Variants in COL22A1 observed in about 807,000 individuals in gnomAD.
The protein encoded by COL22A1 is collagen alpha-1(XXII) chain.
A neutral mutation model predicts 248.9 loss-of-function variants in COL22A1; 221 were observed. The observed-to-expected ratio is 0.89, with a 90% CI of 0.80 to 0.99. The LOEUF (loss-of-function observed/expected upper bound fraction) is 0.99. COL22A1 is among the 50% of genes least tolerant of loss of function. The pLI is 0.00. For missense variants in COL22A1, 2,240 were observed against 2,179.0 expected, an observed-to-expected ratio of 1.03 and a Z score of -0.56; for synonymous variants, 891 against 793.4, an observed-to-expected ratio of 1.12 and a Z score of -2.07.
chr8:138,821,390 C>T lies in COL22A1; in HGVS notation c.991G>A (p.Glu331Lys). ...IPQVSIRLDG[E>K]NKAVEYNAVG... ...GCGTTGTACTCGACTGCCTTGTTTT[C>T]ACCATCCAGCCGGATGGAGACCTGG... The change falls in exon 7 of 65, where the codon GAA becomes AAA. Residue 331 changes from glutamate to lysine, a missense_variant. By Grantham distance (56) the Glu-to-Lys change is moderately conservative. Coordinates refer to ENST00000303045, the MANE Select transcript of COL22A1 (RefSeq NM_152888.3). 6.2e-7 allele frequency: 1 copy of T among 1,613,418 alleles called. No individual in the cohort carries two copies. The highest frequency in any genetic ancestry group is 8.5e-7 in the Non-Finnish European group (1 of 1,179,402).
intron 47 of COL22A1, among the ~76,000 whole-genome samples, chr8:138,645,319 T>C (rs749226145): frequency 3.3e-5 from 5 of 152,180 alleles, no homozygotes; most frequent in Admixed American, 1.3e-4. Flanking sequence ...AAGTCTCCCA[T>C]AAAGGGAGTC....
intron 3 of COL22A1, among the ~76,000 whole-genome samples, chr8:138,846,946 T>C (rs1821288413): frequency 6.6e-6 from 1 of 152,202 alleles, no homozygotes; most frequent in African/African-American, 2.4e-5. Context: ...GGATCAGTGC[T>C]ACTGGGAGTC....
intron 53 of COL22A1, among the ~76,000 whole-genome samples, chr8:138,619,006 T>C (rs186357639): frequency 6.7e-4 from 102 of 152,314 alleles, no homozygotes; most frequent in African/African-American, 2.4e-3. Context: ...GAATTAGAAG[T>C]AAATTAATTT....
In COL22A1 at chr8:138,616,023, TG is replaced by T; in HGVS notation, c.3901del (p.Gln1301ArgfsTer127). ...GESGAMGLPG[Q>X]EGLPGKDGDT... is the part of the protein sequence containing the mutation. ...TACATCTTTTCCTGGTAACCCTTCCTGACCAGGAAGCCCCATGGCACCAGAC... is the reference window on the plus strand; with the variant it reads ...TACATCTTTTCCTGGTAACCCTTCCTACCAGGAAGCCCCATGGCACCAGAC... On this transcript the variant is annotated frameshift_variant, in exon 55 of 65. Coordinates refer to ENST00000303045, the MANE Select transcript of COL22A1 (RefSeq NM_152888.3). LOFTEE classifies it high-confidence loss of function. The T allele has an allele frequency of 6.2e-7, 1 of 1,613,628 alleles. No homozygotes were observed. Among genetic ancestry groups the T allele is most frequent in the Non-Finnish European group, 8.5e-7 (1 of 1,179,732 alleles).
At chr8:138,902,739 TACACACAC>T (rs35023865) in intron 1 of COL22A1, among the ~76,000 whole-genome samples, 947 of 93,860 alleles carry the variant, frequency 0.01, 17 homozygotes, top group African/African-American at 0.04. Context: ...TATATATATA[TACACACAC>T]ACACACACAC....
intron 58 of COL22A1, 41 bp from the exon 59 acceptor site, chr8:138,604,810 G>A: frequency 6.6e-7 from 1 of 1,519,528 alleles, no homozygotes; most frequent in Non-Finnish European, 9.1e-7. Flanking sequence ...TGCAGCATCA[G>A]CCCAATGTCA....
intron 62 of COL22A1, among the ~76,000 whole-genome samples, chr8:138,596,682 T>C (rs1587628960): frequency 6.6e-6 from 1 of 152,176 alleles, no homozygotes; most frequent in East Asian, 1.9e-4. Flanking sequence ...TCTCCTTCAC[T>C]AGAGGTAACC....
At chr8:138,672,214 TA>T (rs1454624172) in intron 41 of COL22A1, among the ~76,000 whole-genome samples, 2 of 152,138 alleles carry the variant, frequency 1.3e-5, no homozygotes, top group East Asian at 1.9e-4. Flanking sequence ...TCCTCACTTG[TA>T]AAATGAAAAG....
intron 22 of COL22A1, among the ~76,000 whole-genome samples, chr8:138,742,925 A>G (rs1177751765): frequency 6.7e-6 from 1 of 150,322 alleles, no homozygotes. Flanking sequence ...TGTGATGGTA[A>G]TGGTGGAGTT....
intron 62 of COL22A1, among the ~76,000 whole-genome samples, chr8:138,596,654 T>G (rs909179634): frequency 6.6e-6 from 1 of 152,224 alleles, no homozygotes; most frequent in African/African-American, 2.4e-5. Context: ...AGCAGAGCTC[T>G]TTTTGTAGAT....
chr8:138,625,143 A>T (rs1820131465), intron 51 of COL22A1, among the ~76,000 whole-genome samples: 1 of 152,122 alleles, frequency 6.6e-6, no homozygotes, highest in South Asian at 2.1e-4. Flanking sequence ...TGAGATAAGC[A>T]CTCCGAAGAA....
chr8:138,724,216 G>T lies in COL22A1; in HGVS notation c.2247+399C>A, dbSNP rs977650220. On this transcript the variant is annotated intron_variant, in intron 25 of 64. Transcript: ENST00000303045. ...TCTCAGTTTGCAAGGGAGAAAACAT[G>T]ATCAGGATCGTAATGGGAAGGGCTG... Among the ~76,000 whole-genome samples, 5 of 152,206 alleles carry T rather than the reference G, an allele frequency of 3.3e-5. No homozygotes were observed. The East Asian group carries it at 9.6e-4, about 29-fold the overall frequency.
In COL22A1 at chr8:138,737,446, C is replaced by T. The variant is rs142644286; in HGVS notation, c.2139+78G>A. 2,453 of 1,076,454 alleles carry T rather than the reference C, an allele frequency of 2.3e-3. 5 individuals are homozygous for T. Among genetic ancestry groups the T allele is most frequent in the Admixed American group, 2.9e-3 (165 of 57,454 alleles). 66.7% of individuals were successfully genotyped at this position (1,076,454 alleles called of 1,614,324 possible). A position where few individuals can be genotyped will look rare whatever the true frequency, so the allele number is the denominator to read the frequency against. Reference sequence around the variant, plus strand: ...GACCAGCAGGATTCTGGCTGCCCACCTGAGAGCTGCTGCCTGGTCATTTAT... The same window carrying T: ...GACCAGCAGGATTCTGGCTGCCCACTTGAGAGCTGCTGCCTGGTCATTTAT... On this transcript the variant is annotated intron_variant, in intron 23 of 64. Transcript: ENST00000303045.
At position 138,693,639 on chromosome 8, in the gene COL22A1, G is replaced by T. The variant is rs752788740; in HGVS notation, c.2754+7C>A. The T allele has an allele frequency of 1.3e-6, 2 of 1,579,578 alleles. No homozygotes were observed. Among genetic ancestry groups the T allele is most frequent in the Non-Finnish European group, 1.7e-6 (2 of 1,162,714 alleles). Reference sequence around the variant, plus strand: ...CCCCACGAGGCAGGCCGATCATAGGGACTCACGGGGTTTCCAGCTGCTCCA... The same window carrying T: ...CCCCACGAGGCAGGCCGATCATAGGTACTCACGGGGTTTCCAGCTGCTCCA... On this transcript the variant is annotated splice_region_variant and intron_variant, in intron 35 of 64. Transcript: ENST00000303045.
intron 30 of COL22A1, among the ~76,000 whole-genome samples, chr8:138,705,779 C>G (rs1255292313): frequency 1.3e-5 from 2 of 152,046 alleles, no homozygotes; most frequent in Non-Finnish European, 2.9e-5. Flanking sequence ...TCACACATAA[C>G]AATATTAACC....
intron 1 of COL22A1, among the ~76,000 whole-genome samples, chr8:138,899,748 C>T (rs1174837789): frequency 2.6e-5 from 4 of 152,020 alleles, no homozygotes; most frequent in South Asian, 2.1e-4. Flanking sequence ...GGTCTTAAAC[C>T]CCTGACCTCA....
chr8:138,850,150 A>C (rs1482116969), intron 3 of COL22A1, among the ~76,000 whole-genome samples: 1 of 151,872 alleles, frequency 6.6e-6, no homozygotes, highest in African/African-American at 2.4e-5. Context: ...CACCTCCACC[A>C]CCTGTTCCAG....
At position 138,660,562 on chromosome 8, in the gene COL22A1, T is replaced by C. The variant is rs1823732088; in HGVS notation, c.3241-82A>G. 3 of 1,245,094 alleles carry C rather than the reference T, an allele frequency of 2.4e-6. No homozygotes were observed. In the South Asian group the frequency reaches 3.7e-5, roughly 15 times the overall value. The allele number at this position is 1,245,094 out of a possible 1,614,324, so 77.1% of individuals were successfully genotyped here. ...TCTACCCACACCCTCTGCCAATCTCTCTATCTGCTAAGTGTAACTCAGTGG... is the reference window on the plus strand; with the variant it reads ...TCTACCCACACCCTCTGCCAATCTCCCTATCTGCTAAGTGTAACTCAGTGG... On this transcript the variant is annotated intron_variant, in intron 43 of 64. Transcript: ENST00000303045.
At chr8:138,615,825 C>T (rs1019734460) in intron 55 of COL22A1, among the ~76,000 whole-genome samples, 176 bp downstream of exon 55, 1 of 152,170 alleles carries the variant, frequency 6.6e-6, no homozygotes, top group Non-Finnish European at 1.5e-5. Context: ...AGCCCAGGGA[C>T]CCACCCACTA....
Sources: allele counts gnomAD v4.1 joint callset (sites outside exome capture counted in the v4.1 genomes callset), GRCh38; gene constraint gnomAD v4.1.1; transcripts MANE v1.5; gene names NCBI Gene and HGNC (gene_info 2026-07-23, HGNC 2026-07-21).